SULF2: variants seen among roughly 807,000 people sequenced by gnomAD.
SULF2 encodes the protein sulfatase 2.
In SULF2, 52 loss-of-function variants were observed where a neutral mutation model predicts 107.7. That is an observed-to-expected ratio of 0.48 (90% CI 0.39 to 0.61). The LOEUF is 0.61. Among genes scored for constraint, SULF2 ranks in the 20% least tolerant of loss-of-function variants. The pLI, the probability that SULF2 is intolerant of heterozygous loss-of-function variation, is 0.00. For synonymous variants in SULF2, 460 were observed against 464.3 expected (o/e 0.99, Z 0.12); for missense variants, 993 against 1,177.3 (o/e 0.84, Z 2.29).
intron 2 of SULF2, among the ~76,000 whole-genome samples, chr20:47,746,925 A>G (rs1054346808): frequency 5.9e-4 from 89 of 151,458 alleles, no homozygotes; most frequent in African/African-American, 2.1e-3. Flanking sequence ...CATGGCACAC[A>G]TATACATATG....
At chr20:47,693,545 G>A (rs1219052575) in intron 4 of SULF2, among the ~76,000 whole-genome samples, 2 of 152,256 alleles carry the variant, frequency 1.3e-5, no homozygotes, top group Admixed American at 6.5e-5. Context: ...ACAGAGCTAC[G>A]TGGATGAACA....
intron 3 of SULF2, among the ~76,000 whole-genome samples, chr20:47,730,981 G>A (rs2089584572): frequency 6.6e-6 from 1 of 152,070 alleles, no homozygotes; most frequent in Non-Finnish European, 1.5e-5. Flanking sequence ...GGGCTGGCAT[G>A]TGACTCAGGG....
intron 2 of SULF2, among the ~76,000 whole-genome samples, chr20:47,754,199 C>T (rs375383548): frequency 5.3e-5 from 8 of 152,166 alleles, no homozygotes; most frequent in East Asian, 3.8e-4. Flanking sequence ...TCCTCCCAAC[C>T]GGACCCTAAT....
chr20:47,666,569 G>T lies in SULF2; in HGVS notation c.1577-81C>A. The T allele has an allele frequency of 8.8e-7, 1 of 1,132,250 alleles. No homozygotes were observed. The highest frequency in any genetic ancestry group is 1.3e-6 in the Non-Finnish European group (1 of 777,776). The allele number at this position is 1,132,250 out of a possible 1,614,324, so 70.1% of individuals were successfully genotyped here. ...CCCAGGGCAGTGGGTCCTTCATCAA[G>T]ATAGGGCCGGGCTTCCAAGCATGAG... On this transcript the variant is annotated intron_variant, in intron 11 of 20. Coordinates refer to ENST00000688720, the MANE Select transcript of SULF2 (RefSeq NM_001387048.1). This position sits in a 1 kb window ranked among gnomAD's most constrained non-coding sequence, Gnocchi z 5.4.
rs531959936 is a variant in SULF2 at position 47,712,318 on chromosome 20, C to T, written c.416-9648G>A. 3.9e-5 allele frequency among the ~76,000 whole-genome samples: 6 copies of T among 152,296 alleles called. No individual in the cohort carries two copies. In the South Asian group the frequency reaches 1.2e-3, roughly 32 times the overall value. On this transcript the variant is annotated intron_variant, in intron 3 of 20. Coordinates refer to ENST00000688720, the MANE Select transcript of SULF2 (RefSeq NM_001387048.1). ...CTAGGAGCCAAGCTCTCTACCCCAC[C>T]GAGCATTGGCACCTGCTCTTCCTTC...
chr20:47,744,413 C>A (rs902236442), intron 2 of SULF2, among the ~76,000 whole-genome samples: 3 of 152,052 alleles, frequency 2.0e-5, no homozygotes, highest in African/African-American at 7.2e-5. Context: ...TGGTCTTGAA[C>A]TCCTGAATAA....
intron 3 of SULF2, among the ~76,000 whole-genome samples, chr20:47,704,342 G>A (rs2088661308): frequency 6.6e-6 from 1 of 151,586 alleles, no homozygotes; most frequent in South Asian, 2.1e-4. Context: ...GCACCATCAC[G>A]GCTCACTGCA....
chr20:47,762,847 T>C (rs1167835156), intron 1 of SULF2, among the ~76,000 whole-genome samples: 1 of 152,214 alleles, frequency 6.6e-6, no homozygotes, highest in African/African-American at 2.4e-5. Context: ...CCCGCTCTCC[T>C]CTGGATGGAA....
chr20:47,752,587 CA>C lies in SULF2; in HGVS notation c.175+4601del, dbSNP rs75605982. ...CTCTAAAAAAAAAAAAAAAAAACCC[CA>C]AAAACTCCCAAAATTAGCTGAGTGT... On this transcript the variant is annotated intron_variant, in intron 2 of 20. Coordinates refer to ENST00000688720, the MANE Select transcript of SULF2 (RefSeq NM_001387048.1). 2.7e-5 allele frequency among the ~76,000 whole-genome samples: 4 copies of C among 146,544 alleles called. 1 individual carries two copies. The highest frequency in any genetic ancestry group is 1.0e-4 in the African/African-American group (4 of 39,722).
At chr20:47,784,790 C>T (rs2090893294) in intron 1 of SULF2, among the ~76,000 whole-genome samples, 1 of 152,224 alleles carries the variant, frequency 6.6e-6, no homozygotes, top group African/African-American at 2.4e-5. Flanking sequence ...AGCATCCCTC[C>T]GCCAGGCGAT....
At chr20:47,682,786 C>A (rs2087870130) in intron 7 of SULF2, among the ~76,000 whole-genome samples, 1 of 152,206 alleles carries the variant, frequency 6.6e-6, no homozygotes, top group Non-Finnish European at 1.5e-5. Context: ...CCCCACCACA[C>A]CTGTTTCCAC....
At chr20:47,670,728 G>A (rs1030179292) in intron 11 of SULF2, among the ~76,000 whole-genome samples, 1 of 148,892 alleles carries the variant, frequency 6.7e-6, no homozygotes, top group African/African-American at 2.5e-5. Context: ...CGGGGTGGGA[G>A]AATGGGGAGA....
chr20:47,753,010 A>G (rs574786214), intron 2 of SULF2, among the ~76,000 whole-genome samples: 1 of 148,290 alleles, frequency 6.7e-6, no homozygotes, highest in Admixed American at 6.9e-5. Flanking sequence ...CTGAGGCAGG[A>G]GAATCACGTG....
chr20:47,706,860 T>C (rs1241061035), intron 3 of SULF2: 1 of 152,194 alleles, frequency 6.6e-6, no homozygotes, highest in Non-Finnish European at 1.5e-5. Flanking sequence ...GTGTTGACTT[T>C]CATCAGCTGA....
intron 10 of SULF2, among the ~76,000 whole-genome samples, chr20:47,673,146 C>T (rs748670683): frequency 3.9e-5 from 6 of 152,190 alleles, no homozygotes; most frequent in South Asian, 2.1e-4. Context: ...GATCCCCTCA[C>T]GGGATTCTGC....
Position 47,731,182 on chromosome 20 carries a change from C to CTTTTTTTTTTTTTT in SULF2, c.415+5520_415+5521insAAAAAAAAAAAAAA, listed in dbSNP as rs1342480404. On this transcript the variant is annotated intron_variant, in intron 3 of 20. Transcript: ENST00000688720. ...GACTCTGCCTGCTACTCACCTGTAT[C>CTTTTTTTTTTTTTT]TTCTCTTTTTTTTTTTTTTTTTTTT... Among the ~76,000 whole-genome samples the CTTTTTTTTTTTTTT allele has an allele frequency of 2.0e-4, 20 of 99,596 alleles. 1 individual carries two copies. Among genetic ancestry groups the CTTTTTTTTTTTTTT allele is most frequent in the African/African-American group, 4.8e-4 (9 of 18,654 alleles). 65.3% of individuals were successfully genotyped at this position (99,596 alleles called of 152,430 possible).
intron 2 of SULF2, 27 bp downstream of exon 2, chr20:47,757,162 G>C (rs376301083): frequency 6.5e-7 from 1 of 1,534,670 alleles, no homozygotes; most frequent in Admixed American, 2.0e-5. Flanking sequence ...AGGGGCCGAG[G>C]TGCCACCCTG....
chr20:47,784,169 C>T (rs1466438442), intron 1 of SULF2, among the ~76,000 whole-genome samples: 1 of 152,028 alleles, frequency 6.6e-6, no homozygotes, highest in South Asian at 2.1e-4. Flanking sequence ...CCCTTCTCTG[C>T]CCCAAAAGTG....
chr20:47,661,106 C>G (rs1379091137), intron 18 of SULF2, among the ~76,000 whole-genome samples: 2 of 152,128 alleles, frequency 1.3e-5, no homozygotes, highest in Non-Finnish European at 2.9e-5. Flanking sequence ...AATCTAAACT[C>G]TACCGTGGCC....
Sources: allele counts gnomAD v4.1 joint callset (sites outside exome capture counted in the v4.1 genomes callset), GRCh38; gene constraint gnomAD v4.1.1; non-coding constraint Gnocchi (gnomAD v3.1); transcripts MANE v1.5; gene names NCBI Gene and HGNC (gene_info 2026-07-23, HGNC 2026-07-21).